The following MTHFD1L variants were observed in gnomAD, a reference collection of about 807,000 sequenced individuals.
MTHFD1L encodes methylenetetrahydrofolate dehydrogenase (NADP+ dependent) 1 like.
MTHFD1L carries 81 observed loss-of-function variants against 119.5 expected under a neutral mutation model. That is an observed-to-expected ratio of 0.68 (90% CI 0.57 to 0.82). The LOEUF is 0.82. Among genes scored for constraint, MTHFD1L ranks in the 40% least tolerant of loss-of-function variants. MTHFD1L has a pLI of 0.00. For missense variants in MTHFD1L, 1,125 were observed against 1,253.4 expected (o/e 0.90, Z 1.55); for synonymous variants, 430 against 475.2 (o/e 0.90, Z 1.24).
intron 8 of MTHFD1L, chr6:150,912,894 A>C (rs1436492815): frequency 6.0e-6 from 1 of 166,256 alleles, no homozygotes; most frequent in African/African-American, 2.4e-5. Context: ...GGGTGAAATA[A>C]TGATTCCCTT....
chr6:151,101,699 C>G lies in MTHFD1L; in HGVS notation c.*205C>G, dbSNP rs1047662. On this transcript the variant is annotated 3_prime_UTR_variant, in exon 28 of 28. Transcript: ENST00000367321. ...ATGGTGTTCGGCAAAAGGACCTCCA[C>G]CAAGACTGAAAGAAACTAATTTATT... 0.11 allele frequency: 16,459 copies of G among 152,584 alleles called. 1,146 individuals are homozygous for G. Among genetic ancestry groups the G allele is most frequent in the South Asian group, 0.29 (1,376 of 4,818 alleles). 9.5% of individuals were successfully genotyped at this position (152,584 alleles called of 1,614,324 possible). A position where few individuals can be genotyped will look rare whatever the true frequency, so the allele number is the denominator to read the frequency against.
intron 21 of MTHFD1L, among the ~76,000 whole-genome samples, chr6:151,010,760 AT>A (rs1403736282): frequency 7.3e-6 from 1 of 137,094 alleles, no homozygotes; most frequent in Non-Finnish European, 1.6e-5. Flanking sequence ...CTGATTAATC[AT>A]TTTGAAATAA....
At chr6:151,018,099 A>G (rs997652746) in intron 24 of MTHFD1L, among the ~76,000 whole-genome samples, 1 of 151,938 alleles carries the variant, frequency 6.6e-6, no homozygotes, top group Non-Finnish European at 1.5e-5. Context: ...TGACATCTCC[A>G]TTCTGAATTT....
chr6:150,914,108 C>T (rs562528646), intron 8 of MTHFD1L, among the ~76,000 whole-genome samples: 9 of 151,882 alleles, frequency 5.9e-5, no homozygotes, highest in Middle Eastern at 6.8e-3. Flanking sequence ...CCAGCCTGGG[C>T]GACAGAGCAA....
chr6:150,889,526 A>C (rs1782877039), intron 7 of MTHFD1L, among the ~76,000 whole-genome samples: 1 of 152,262 alleles, frequency 6.6e-6, no homozygotes. Context: ...GAAGATATTT[A>C]CAACAAACAT....
chr6:151,079,292 A>G (rs747350854), intron 26 of MTHFD1L, among the ~76,000 whole-genome samples: 11 of 152,024 alleles, frequency 7.2e-5, no homozygotes, highest in Non-Finnish European at 1.3e-4. Flanking sequence ...CATTGTTGAT[A>G]TTAGAAATCC....
intron 20 of MTHFD1L, among the ~76,000 whole-genome samples, chr6:151,008,592 TGAA>T (rs1781724096): frequency 1.3e-5 from 2 of 152,110 alleles, no homozygotes; most frequent in South Asian, 4.1e-4. Context: ...TCTTTGTGTA[TGAA>T]GAAGATACTA....
chr6:151,061,199 A>G (rs1790578623), intron 26 of MTHFD1L, among the ~76,000 whole-genome samples: 1 of 152,228 alleles, frequency 6.6e-6, no homozygotes, highest in African/African-American at 2.4e-5. Context: ...GCACAAGGAT[A>G]CAAAGCAAAA....
intron 24 of MTHFD1L, among the ~76,000 whole-genome samples, chr6:151,019,416 A>G (rs142850535): frequency 6.6e-6 from 1 of 151,966 alleles, no homozygotes; most frequent in Non-Finnish European, 1.5e-5. Flanking sequence ...TAACCCTAAC[A>G]TGAACCCTTT....
rs1435329171 is a variant in MTHFD1L at position 151,039,152 on chromosome 6, G to C, written c.2847+2035G>C. On this transcript the variant is annotated intron_variant, in intron 26 of 27. Transcript: ENST00000367321. This position sits in a 1 kb window ranked among gnomAD's most constrained non-coding sequence, Gnocchi z 4.4. ...TTAATGCAGCCGACTCCTAGCAGGG[G>C]TGCCTTCCAGGAGGCGGGAAGGAAG... Among the ~76,000 whole-genome samples, 1 of 152,188 alleles carries C rather than the reference G, an allele frequency of 6.6e-6. No homozygotes were observed. Among genetic ancestry groups the C allele is most frequent in the Non-Finnish European group, 1.5e-5 (1 of 68,024 alleles).
At position 150,865,751 on chromosome 6, in the gene MTHFD1L, TC is replaced by T. The variant is rs1778185720; in HGVS notation, c.-68del. The T allele has an allele frequency of 3.5e-6, 4 of 1,131,100 alleles. No individual in the cohort carries two copies. The highest frequency in any genetic ancestry group is 4.8e-5 in the Admixed American group (1 of 21,002). The allele number at this position is 1,131,100 out of a possible 1,614,324, so 70.1% of individuals were successfully genotyped here. A position where few individuals can be genotyped will look rare whatever the true frequency, so the allele number is the denominator to read the frequency against. On this transcript the variant is annotated 5_prime_UTR_variant, in exon 1 of 28. Coordinates refer to ENST00000367321, the MANE Select transcript of MTHFD1L (RefSeq NM_015440.5). ...CGCCGCCGCCGCCGCCGCCGCCTGC[TC>T]CCCTGGCACGCGCCCCGCCGCCCTC... is the stretch of plus-strand genomic sequence containing the variant.
rs763862905 is a variant in MTHFD1L, at chr6:150,926,347, C to T, written c.1256+52C>T. On this transcript the variant is annotated intron_variant, in intron 11 of 27. Transcript: ENST00000367321. This position sits in a 1 kb window ranked among gnomAD's most constrained non-coding sequence, Gnocchi z 4.3. ...ATCAAGCAGACATATTTACAAAACTCTTCCCTATTTATCTCTCTCCTCGTA... is the reference window on the plus strand; with the variant it reads ...ATCAAGCAGACATATTTACAAAACTTTTCCCTATTTATCTCTCTCCTCGTA... 2.0e-6 allele frequency: 3 copies of T among 1,519,332 alleles called. No individual in the cohort carries two copies. The highest frequency in any genetic ancestry group is 2.7e-5 in the African/African-American group (2 of 72,868). The allele number at this position is 1,519,332 out of a possible 1,614,324, so 94.1% of individuals were successfully genotyped here.
At chr6:150,886,129 CT>C (rs1782218277) in intron 6 of MTHFD1L, among the ~76,000 whole-genome samples, 1 of 152,124 alleles carries the variant, frequency 6.6e-6, no homozygotes, top group African/African-American at 2.4e-5. Context: ...TTAGATAAGA[CT>C]TACGTTGAAG....
intron 24 of MTHFD1L, among the ~76,000 whole-genome samples, chr6:151,025,801 A>G (rs1430378403): frequency 1.3e-5 from 2 of 152,212 alleles, no homozygotes; most frequent in Non-Finnish European, 2.9e-5. Flanking sequence ...GTGTTCCAAT[A>G]CTTCACAACA....
chr6:150,974,897 C>T (rs181238907), intron 20 of MTHFD1L, among the ~76,000 whole-genome samples: 40 of 152,062 alleles, frequency 2.6e-4, no homozygotes, highest in African/African-American at 9.4e-4. Context: ...CCACCACGCC[C>T]AGCTAATTTT....
intron 26 of MTHFD1L, among the ~76,000 whole-genome samples, chr6:151,080,396 G>A (rs942918238): frequency 3.3e-5 from 5 of 152,196 alleles, no homozygotes; most frequent in African/African-American, 1.2e-4. Flanking sequence ...GGCAGCCAGT[G>A]AGAGGATGGA....
intron 26 of MTHFD1L, among the ~76,000 whole-genome samples, chr6:151,046,361 C>T (rs1788006523): frequency 6.6e-6 from 1 of 150,830 alleles, no homozygotes; most frequent in Admixed American, 6.6e-5. Context: ...TTTGTGTCCA[C>T]CCCTAAAATC....
Position 150,990,950 on chromosome 6 carries a change from C to T in MTHFD1L, c.2126-18869C>T, listed in dbSNP as rs553961827. ...AGCTCACTGCAACCTCCGCCTCCTG[C>T]GTTCAAGTGATTTTCCTGCCTCAGC... is the stretch of plus-strand genomic sequence containing the variant. On this transcript the variant is annotated intron_variant, in intron 20 of 27. Transcript: ENST00000367321. Among the ~76,000 whole-genome samples, 26 of 151,994 alleles carry T rather than the reference C, an allele frequency of 1.7e-4. 1 individual carries two copies. The South Asian group carries it at 2.1e-3, about 12-fold the overall frequency.
Position 150,926,193 on chromosome 6 carries a change from C to T in MTHFD1L, c.1154C>T (p.Ala385Val). Residue 385 changes from alanine to valine, a missense_variant, in exon 11 of 28, where the codon GCA (alanine) becomes GTA (valine). By Grantham distance (64) the Ala-to-Val change is moderately conservative. Around this residue, in one of 3 missense-constraint regions of MTHFD1L, gnomAD observed 1,058 missense variants for 1,151.2 expected, o/e 0.92. Coordinates refer to ENST00000367321, the MANE Select transcript of MTHFD1L (RefSeq NM_015440.5). The surrounding 1 kb of genome is among the most constrained non-coding windows in gnomAD (Gnocchi z 4.3). ...CTTGCCAAGGAGATTGGATTGCTTG[C>T]AGATGAAATTGAAATCTATGGCAAA... ...DVLAKEIGLL[A>V]DEIEIYGKSK... The T allele has an allele frequency of 6.2e-7, 1 of 1,614,074 alleles. No individual in the cohort carries two copies. The highest frequency in any genetic ancestry group is 8.5e-7 in the Non-Finnish European group (1 of 1,180,000).
Sources: allele counts gnomAD v4.1 joint callset (sites outside exome capture counted in the v4.1 genomes callset), GRCh38; gene constraint gnomAD v4.1.1; regional missense constraint gnomAD v4.1.1; non-coding constraint Gnocchi (gnomAD v3.1); transcripts MANE v1.5; gene names NCBI Gene and HGNC (gene_info 2026-07-23, HGNC 2026-07-21).